Variants in AGTPBP1 observed in about 807,000 individuals in gnomAD.
AGTPBP1 encodes the protein cytosolic carboxypeptidase 1.
AGTPBP1 carries 70 observed loss-of-function variants against 143.9 expected under a neutral mutation model. The ratio of observed to expected loss-of-function variants is 0.49; its 90% confidence interval spans 0.40 to 0.59. The LOEUF is 0.59. AGTPBP1 is among the 20% of genes least tolerant of loss of function. The pLI, the probability that AGTPBP1 is intolerant of heterozygous loss-of-function variation, is 0.00. For missense variants in AGTPBP1, 1,229 were observed against 1,464.5 expected, an observed-to-expected ratio of 0.84 and a Z score of 2.62; for synonymous variants, 463 against 500.2, an observed-to-expected ratio of 0.93 and a Z score of 0.99.
At chr9:85,653,027 C>T (rs1587832864) in intron 11 of AGTPBP1, among the ~76,000 whole-genome samples, 1 of 152,234 alleles carries the variant, frequency 6.6e-6, no homozygotes, top group Non-Finnish European at 1.5e-5. Context: ...AGAGTTCAGA[C>T]CTATCCTTGT....
the AGTPBP1 span, among the ~76,000 whole-genome samples, chr9:85,764,050 C>G: frequency 3.9e-5 from 6 of 151,900 alleles, no homozygotes; most frequent in Non-Finnish European, 8.8e-5. Context: ...CATCTCAACC[C>G]CTAGTAAATT....
chr9:85,586,369 T>G (rs532225046), intron 22 of AGTPBP1, among the ~76,000 whole-genome samples: 1 of 152,306 alleles, frequency 6.6e-6, no homozygotes, highest in East Asian at 1.9e-4. Context: ...AGTTTTTCTA[T>G]CTTTCCTAAA....
At chr9:85,655,529 G>A (rs1006528177) in intron 10 of AGTPBP1, among the ~76,000 whole-genome samples, 1 of 152,032 alleles carries the variant, frequency 6.6e-6, no homozygotes, top group Admixed American at 6.5e-5. Flanking sequence ...AAATTCAGAA[G>A]AACTTTTCCT....
At chr9:85,767,418 G>A in the AGTPBP1 span, among the ~76,000 whole-genome samples, 1 of 150,616 alleles carries the variant, frequency 6.6e-6, no homozygotes, top group South Asian at 2.1e-4. Context: ...CGCGATCTCA[G>A]CTCACTACAA....
intron 7 of AGTPBP1, among the ~76,000 whole-genome samples, chr9:85,670,259 A>G (rs7870419): frequency 0.5 from 76,594 of 151,978 alleles, 21,988 homozygotes; most frequent in East Asian, 0.87. Flanking sequence ...AAGATGAGGT[A>G]GAAAAAGATG....
the AGTPBP1 span, among the ~76,000 whole-genome samples, chr9:85,758,883 G>A: frequency 7.9e-5 from 12 of 152,026 alleles, no homozygotes; most frequent in African/African-American, 2.7e-4. Flanking sequence ...GGCCTCTCAC[G>A]TGCAGAGACA....
intron 9 of AGTPBP1, among the ~76,000 whole-genome samples, chr9:85,659,318 C>T (rs1356567528): frequency 1.3e-5 from 2 of 152,062 alleles, no homozygotes; most frequent in East Asian, 1.9e-4. Flanking sequence ...ATGATTGCTC[C>T]TCTCTGCCAA....
At chr9:85,764,905 G>A in the AGTPBP1 span, 4 of 1,135,436 alleles carry the variant, frequency 3.5e-6, no homozygotes, top group Admixed American at 1.7e-5. Flanking sequence ...ACTTAAAAAT[G>A]GTAGAGTGTT....
intron 1 of AGTPBP1, among the ~76,000 whole-genome samples, chr9:85,722,504 G>A (rs1838196667): frequency 6.6e-6 from 1 of 152,176 alleles, no homozygotes; most frequent in Non-Finnish European, 1.5e-5. Flanking sequence ...TTCTCGTGCT[G>A]TGGTTTTCAG....
chr9:85,738,300 C>A (rs1465453335), intron 1 of AGTPBP1, among the ~76,000 whole-genome samples: 2 of 148,084 alleles, frequency 1.4e-5, no homozygotes, highest in African/African-American at 2.5e-5. Flanking sequence ...AAACCAAGAA[C>A]AAGTATGTAA....
chr9:85,606,102 G>A (rs539344120), intron 17 of AGTPBP1, among the ~76,000 whole-genome samples: 61 of 151,794 alleles, frequency 4.0e-4, no homozygotes, highest in Non-Finnish European at 7.4e-4. Context: ...CAATCAACAG[G>A]GTGAAGAAAC....
chr9:85,709,569 C>T (rs933696312), intron 2 of AGTPBP1, among the ~76,000 whole-genome samples: 6 of 152,006 alleles, frequency 3.9e-5, no homozygotes, highest in African/African-American at 1.5e-4. Context: ...TCTCAGATAT[C>T]AGCAAGAACG....
rs764970699 is a variant in AGTPBP1 at position 85,601,148 on chromosome 9, C to G, written c.2336-4699G>C. Among the ~76,000 whole-genome samples the G allele has an allele frequency of 1.2e-4, 18 of 152,200 alleles. 1 individual carries two copies. In the Middle Eastern group the frequency reaches 0.024, roughly 201 times the overall value. On this transcript the variant is annotated intron_variant, in intron 17 of 25. Coordinates refer to ENST00000357081, the MANE Select transcript of AGTPBP1 (RefSeq NM_001330701.2). ...CTGAGGCACACATTCCCCAGCCACT[C>G]GCCTACAGCTGCTGCCACTGATAGC...
chr9:85,773,264 CAAAAAAAAAAAAA>C, the AGTPBP1 span, among the ~76,000 whole-genome samples: 1 of 46,776 alleles, frequency 2.1e-5, no homozygotes. Context: ...GACTCCTTCT[CAAAAAAAAAAAAA>C]AAAAAAAAAG....
intron 13 of AGTPBP1, among the ~76,000 whole-genome samples, chr9:85,637,353 AT>A (rs1832136726): frequency 6.6e-6 from 1 of 152,102 alleles, no homozygotes; most frequent in Non-Finnish European, 1.5e-5. Context: ...ACCCCAAAAA[AT>A]TTTGTGCACA....
chr9:85,789,963 G>A, the AGTPBP1 span, among the ~76,000 whole-genome samples: 1 of 152,070 alleles, frequency 6.6e-6, no homozygotes, highest in Non-Finnish European at 1.5e-5. Context: ...GCACCTACTC[G>A]TGACTTTAAA....
At chr9:85,661,010 A>G in intron 8 of AGTPBP1, 37 bp from the exon 9 acceptor site, 1 of 1,554,144 alleles carries the variant, frequency 6.4e-7, no homozygotes, top group East Asian at 2.3e-5. Context: ...CAACAACAAA[A>G]CTAGTAAAAT....
chr9:85,560,466 C>T (rs1826635977), intron 25 of AGTPBP1, among the ~76,000 whole-genome samples: 1 of 152,094 alleles, frequency 6.6e-6, no homozygotes, highest in Admixed American at 6.5e-5. Context: ...GCAGAAGTAG[C>T]AGAAGTACAA....
At chr9:85,761,975 C>T in the AGTPBP1 span, among the ~76,000 whole-genome samples, 8 of 152,176 alleles carry the variant, frequency 5.3e-5, no homozygotes, top group Non-Finnish European at 1.0e-4. Context: ...TGAACAGAAG[C>T]TTCTCAAAAG....
Sources: gnomAD v4.1 joint callset for allele counts (sites outside exome capture counted in the v4.1 genomes callset) on GRCh38, gnomAD v4.1.1 for gene constraint, MANE v1.5 for transcripts, NCBI Gene and HGNC (gene_info 2026-07-23, HGNC 2026-07-21) for gene names.